COL5A2: variants seen among roughly 807,000 people sequenced by gnomAD.
COL5A2 encodes the protein collagen alpha-2(V) chain.
A neutral mutation model predicts 208.2 loss-of-function variants in COL5A2; 23 were observed. The ratio of observed to expected loss-of-function variants is 0.11; its 90% CI spans 0.08 to 0.16. The LOEUF (loss-of-function observed/expected upper bound fraction) is 0.16, where lower values mean the gene tolerates loss of function less well. COL5A2 is among the 10% of genes least tolerant of loss of function. The pLI, the probability that COL5A2 is intolerant of heterozygous loss-of-function variation, is 1.00. For missense variants in COL5A2, 1,590 were observed against 1,956.4 expected, an observed-to-expected ratio of 0.81 and a Z score of 3.53; for synonymous variants, 625 against 628.5, an observed-to-expected ratio of 0.99 and a Z score of 0.08.
intron 3 of COL5A2, among the ~76,000 whole-genome samples, chr2:189,100,402 C>G (rs912421676): frequency 5.9e-5 from 9 of 151,902 alleles, no homozygotes; most frequent in African/African-American, 2.2e-4. Flanking sequence ...CCACATAGAT[C>G]AAATCCAAAG....
chr2:189,176,160 C>A (rs952680436), intron 1 of COL5A2, among the ~76,000 whole-genome samples: 1 of 152,080 alleles, frequency 6.6e-6, no homozygotes, highest in African/African-American at 2.4e-5. Context: ...AGACTGTGAG[C>A]CCCTCATCTC....
chr2:189,096,499 G>C (rs1317553511), intron 6 of COL5A2, among the ~76,000 whole-genome samples: 1 of 151,906 alleles, frequency 6.6e-6, no homozygotes, highest in Admixed American at 6.6e-5. Flanking sequence ...GCGGGCAACT[G>C]TAGTCCCAGC....
At chr2:189,318,405 G>A in the COL5A2 span, among the ~76,000 whole-genome samples, 2 of 152,046 alleles carry the variant, frequency 1.3e-5, no homozygotes, top group Non-Finnish European at 2.9e-5. Flanking sequence ...TGATTTCTAT[G>A]CCAGCCTTGA....
intron 3 of COL5A2, among the ~76,000 whole-genome samples, chr2:189,103,986 A>G (rs571054438): frequency 9.2e-5 from 14 of 152,080 alleles, no homozygotes; most frequent in Admixed American, 2.0e-4. Flanking sequence ...AATGCAAAGA[A>G]TAAAAGGTTA....
At chr2:189,059,425 A>G (rs1559083749) in intron 31 of COL5A2, among the ~76,000 whole-genome samples, 1 of 151,954 alleles carries the variant, frequency 6.6e-6, no homozygotes, top group Admixed American at 6.6e-5. Context: ...CTTACATAAA[A>G]GAAAGTTTGT....
chr2:189,303,814 T>A, the COL5A2 span, among the ~76,000 whole-genome samples: 6 of 152,234 alleles, frequency 3.9e-5, no homozygotes, highest in African/African-American at 1.2e-4. Context: ...TATGCCACTT[T>A]ACCTTTTTTG....
intron 1 of COL5A2, 61 bp from the exon 2 acceptor site, chr2:189,110,510 AGGT>A: frequency 3.3e-6 from 5 of 1,506,348 alleles, no homozygotes; most frequent in Non-Finnish European, 4.6e-6. Context: ...AGAAAATAAA[AGGT>A]GAGCCATCTT....
chr2:189,298,237 T>C, the COL5A2 span, among the ~76,000 whole-genome samples: 1 of 152,232 alleles, frequency 6.6e-6, no homozygotes, highest in Non-Finnish European at 1.5e-5. Context: ...TAACCCTCTC[T>C]GTGACAGATT....
upstream of COL5A2, among the ~76,000 whole-genome samples, chr2:189,184,010 G>A (rs116009210): frequency 9.9e-3 from 1,511 of 152,224 alleles, 30 homozygotes; most frequent in African/African-American, 0.034. Context: ...TCTAATGAAG[G>A]CACTAAGGAT....
At chr2:189,439,817 CA>C in the COL5A2 span, among the ~76,000 whole-genome samples, 4 of 152,158 alleles carry the variant, frequency 2.6e-5, no homozygotes, top group Admixed American at 2.6e-4. Context: ...CAGTAACATA[CA>C]ACTAAAGTCA....
the COL5A2 span, among the ~76,000 whole-genome samples, chr2:189,364,638 T>C: frequency 0.036 from 5,533 of 151,818 alleles, 118 homozygotes; most frequent in Admixed American, 0.05. Flanking sequence ...AAATAGAGAT[T>C]GTGCCACTGC....
At chr2:189,231,248 A>C in the COL5A2 span, among the ~76,000 whole-genome samples, 5 of 151,948 alleles carry the variant, frequency 3.3e-5, no homozygotes, top group Non-Finnish European at 5.9e-5. Context: ...TTAGAAAGCT[A>C]TTGTATAACA....
chr2:189,290,207 G>T, the COL5A2 span, among the ~76,000 whole-genome samples: 1 of 152,074 alleles, frequency 6.6e-6, no homozygotes, highest in Non-Finnish European at 1.5e-5. Context: ...TTCAACAAAG[G>T]TGCCAAGAAC....
intron 1 of COL5A2, among the ~76,000 whole-genome samples, chr2:189,200,289 A>C (rs1407585735): frequency 1.3e-5 from 2 of 152,198 alleles, no homozygotes; most frequent in African/African-American, 4.8e-5. Flanking sequence ...ACTAATTTTC[A>C]CATCTTTAAT....
the COL5A2 span, among the ~76,000 whole-genome samples, chr2:189,434,197 T>A: frequency 6.6e-6 from 1 of 152,168 alleles, no homozygotes; most frequent in African/African-American, 2.4e-5. Context: ...ATAACAGCTA[T>A]TTATGACAAA....
At chr2:189,263,747 A>T in the COL5A2 span, among the ~76,000 whole-genome samples, 1 of 152,100 alleles carries the variant, frequency 6.6e-6, no homozygotes, top group Non-Finnish European at 1.5e-5. Context: ...AATACATACC[A>T]TTGTGTTACA....
the COL5A2 span, among the ~76,000 whole-genome samples, chr2:189,343,881 A>C: frequency 0.28 from 42,904 of 152,040 alleles, 6,310 homozygotes; most frequent in African/African-American, 0.34. Flanking sequence ...AAATATATAG[A>C]AGAGACAAAT....
At chr2:189,387,950 A>G in the COL5A2 span, among the ~76,000 whole-genome samples, 3 of 152,034 alleles carry the variant, frequency 2.0e-5, no homozygotes, top group African/African-American at 7.2e-5. Context: ...ACATCTGCCT[A>G]ATTTTTGTAT....
rs142895373 is a variant in COL5A2 at position 189,034,100 on chromosome 2, G to A, written c.4470C>T (p.Gly1490=). The change falls in exon 54 of 54, where the codon GGC becomes GGT. Residue 1490 remains glycine, a synonymous_variant. Transcript: ENST00000374866. The part of the protein sequence containing the change: ...VDVGGTDQEF[G]VEIGPVCFV ...CAAAACAAACTGGCCCAATTTCAAC[G>A]CCGAATTCCTGGTCTGTGCCGCCAA... 1.1e-4 allele frequency: 181 copies of A among 1,613,796 alleles called. No individual in the cohort carries two copies. Among genetic ancestry groups the A allele is most frequent in the Non-Finnish European group, 1.5e-4 (175 of 1,179,924 alleles).
Sources: gnomAD v4.1 joint callset for allele counts (sites outside exome capture counted in the v4.1 genomes callset) on GRCh38, gnomAD v4.1.1 for gene constraint, MANE v1.5 for transcripts, NCBI Gene and HGNC (gene_info 2026-07-23, HGNC 2026-07-21) for gene names.